The following IDO2 variants were observed in gnomAD, a reference collection of about 807,000 sequenced individuals.
The protein encoded by IDO2 is indoleamine 2,3-dioxygenase-like 1 protein.
IDO2 carries 46 observed loss-of-function variants against 45.1 expected under a neutral mutation model. The observed-to-expected ratio is 1.02, with a 90% CI of 0.80 to 1.30. IDO2 has a LOEUF of 1.30. IDO2 is among the 50% of genes most tolerant of loss of function. The pLI is 0.00. For missense variants in IDO2, 544 were observed against 491.8 expected (o/e 1.11, Z -1.00); for synonymous variants, 218 against 184.9 (o/e 1.18, Z -1.45).
At chr8:39,962,839 G>A (rs1011113665) in intron 2 of IDO2, among the ~76,000 whole-genome samples, 1 of 151,998 alleles carries the variant, frequency 6.6e-6, no homozygotes, top group Non-Finnish European at 1.5e-5. Flanking sequence ...CATTTGATTG[G>A]TTAAAAGGCA....
Position 39,979,007 on chromosome 8 carries a change from T to A in IDO2, c.196-60T>A, listed in dbSNP as rs190524933. On this transcript the variant is annotated intron_variant, in intron 3 of 10. Transcript: ENST00000502986. ...TCACATCCCAGGTCCCCGGCCCCCG[T>A]TACCTCCCCTGTCCCGGTTCCCATC... 3.8e-4 allele frequency: 590 copies of A among 1,533,248 alleles called. 2 individuals are homozygous for A. In the African/African-American group the frequency reaches 6.7e-3, roughly 17 times the overall value. 95.0% of individuals were successfully genotyped at this position (1,533,248 alleles called of 1,614,324 possible).
intron 3 of IDO2, among the ~76,000 whole-genome samples, chr8:39,964,124 T>C (rs938356074): frequency 1.3e-5 from 2 of 152,210 alleles, no homozygotes; most frequent in African/African-American, 4.8e-5. Context: ...AATAGTTAAA[T>C]GGAGGGAATT....
intron 5 of IDO2, among the ~76,000 whole-genome samples, chr8:39,983,582 G>A (rs948200600): frequency 4.6e-5 from 7 of 151,954 alleles, no homozygotes; most frequent in South Asian, 2.1e-4. Context: ...TATGTGCCCC[G>A]GCCGGGCCCG....
chr8:39,973,452 CT>C (rs1808210077), intron 3 of IDO2, among the ~76,000 whole-genome samples: 2 of 152,034 alleles, frequency 1.3e-5, no homozygotes, highest in South Asian at 4.1e-4. Context: ...TGATAATTTC[CT>C]TTCCTTAGGA....
chr8:39,973,685 AC>A (rs1808214298), intron 3 of IDO2, among the ~76,000 whole-genome samples: 1 of 151,934 alleles, frequency 6.6e-6, no homozygotes, highest in Admixed American at 6.6e-5. Flanking sequence ...AAAACTGGGG[AC>A]ATAGTGGAGT....
At position 39,971,597 on chromosome 8, in the gene IDO2, T is replaced by C. The variant is rs79611255; in HGVS notation, c.196-7470T>C. Among the ~76,000 whole-genome samples, 1,083 of 152,288 alleles carry C rather than the reference T, an allele frequency of 7.1e-3. 17 individuals are homozygous for C. The highest frequency in any genetic ancestry group is 0.025 in the African/African-American group (1,023 of 41,560). On this transcript the variant is annotated intron_variant, in intron 3 of 10. Transcript: ENST00000502986. ...CCTGGAAAGGATTCACTATTCTAGA[T>C]ACTATTAAAAGCATTCATGATTCAT...
intron 8 of IDO2, among the ~76,000 whole-genome samples, chr8:40,004,313 G>A (rs1802182431): frequency 6.6e-6 from 1 of 152,138 alleles, no homozygotes; most frequent in Non-Finnish European, 1.5e-5. Context: ...GAAGAAATAG[G>A]ATCAAAGACT....
rs1802369412 is a variant in IDO2, at chr8:40,015,227, T to C, written c.869-20T>C. ...ATTTCCATGTGGAGCTATGACGTTATGCTGTATTGTTTCTTTCAGGTGACT... is the reference window on the plus strand; with the variant it reads ...ATTTCCATGTGGAGCTATGACGTTACGCTGTATTGTTTCTTTCAGGTGACT... On this transcript the variant is annotated intron_variant, in intron 10 of 10. Coordinates refer to ENST00000502986, the Ensembl canonical transcript of IDO2. The C allele has an allele frequency of 1.5e-6, 2 of 1,350,116 alleles. No individual in the cohort carries two copies. The highest frequency in any genetic ancestry group is 1.2e-5 in the South Asian group (1 of 80,532). 83.6% of individuals were successfully genotyped at this position (1,350,116 alleles called of 1,614,324 possible). A position where few individuals can be genotyped will look rare whatever the true frequency, so the allele number is the denominator to read the frequency against.
chr8:39,992,450 G>A (rs1267358830), intron 8 of IDO2, among the ~76,000 whole-genome samples: 1 of 152,126 alleles, frequency 6.6e-6, no homozygotes, highest in African/African-American at 2.4e-5. Context: ...CCCAACTGAG[G>A]CACCAGCCAC....
At chr8:39,988,208 C>A (rs149208325) in intron 7 of IDO2, among the ~76,000 whole-genome samples, 1 of 152,120 alleles carries the variant, frequency 6.6e-6, no homozygotes, top group African/African-American at 2.4e-5. Flanking sequence ...TTGGTTTGGG[C>A]AATGGGAAAT....
chr8:39,951,710 T>C (rs967525888), intron 2 of IDO2, among the ~76,000 whole-genome samples: 3 of 152,194 alleles, frequency 2.0e-5, no homozygotes, highest in African/African-American at 7.2e-5. Context: ...TCTATACATC[T>C]AACCCAATTC....
intron 1 of IDO2, among the ~76,000 whole-genome samples, chr8:39,944,536 G>A (rs1302633337): frequency 1.3e-5 from 2 of 152,124 alleles, no homozygotes; most frequent in African/African-American, 4.8e-5. Flanking sequence ...TGTGCAAGCT[G>A]ACTCCCAGCA....
chr8:39,975,964 C>G (rs928198488), intron 3 of IDO2, among the ~76,000 whole-genome samples: 2 of 152,028 alleles, frequency 1.3e-5, no homozygotes, highest in African/African-American at 4.8e-5. Flanking sequence ...ATGTTAAGTT[C>G]AAAAGCATTC....
intron 2 of IDO2, 81 bp from the exon 3 acceptor site, chr8:39,963,527 C>T (rs956679756): frequency 5.2e-6 from 4 of 774,320 alleles, no homozygotes; most frequent in Non-Finnish European, 8.5e-6. Flanking sequence ...CCCCTGAAGA[C>T]TGAAATGTGA....
chr8:39,973,185 C>T (rs1027648475), intron 3 of IDO2, among the ~76,000 whole-genome samples: 1 of 152,040 alleles, frequency 6.6e-6, no homozygotes, highest in African/African-American at 2.4e-5. Context: ...TTAATAAGTG[C>T]CACTGGATTA....
rs559751211 is a variant in IDO2 at position 39,938,861 on chromosome 8, T to C, written c.-18+3643T>C. ...TCTACATCATATGCCATTAGGAAAT[T>C]GCAAATTAAAACAATGAGATACCAC... On this transcript the variant is annotated intron_variant, in intron 1 of 10. Transcript: ENST00000502986. Among the ~76,000 whole-genome samples the C allele has an allele frequency of 2.6e-4, 39 of 152,242 alleles. No homozygotes were observed. In the East Asian group the frequency reaches 7.1e-3, roughly 28 times the overall value.
At chr8:39,940,781 C>G (rs564230960) in intron 1 of IDO2, among the ~76,000 whole-genome samples, 1 of 152,202 alleles carries the variant, frequency 6.6e-6, no homozygotes, top group African/African-American at 2.4e-5. Flanking sequence ...CTACTCTCTG[C>G]TTCCCAAAAC....
At chr8:40,011,685 G>T (rs1802312754) in intron 9 of IDO2, among the ~76,000 whole-genome samples, 1 of 152,178 alleles carries the variant, frequency 6.6e-6, no homozygotes, top group South Asian at 2.1e-4. Flanking sequence ...TGCTTAACAT[G>T]TTCCAGGCCC....
At chr8:39,949,725 C>A (rs560912573) in intron 2 of IDO2, among the ~76,000 whole-genome samples, 2 of 152,268 alleles carry the variant, frequency 1.3e-5, no homozygotes, top group East Asian at 1.9e-4. Flanking sequence ...CAGATCCCCC[C>A]AGGAGCGCTT....
Sources: gnomAD v4.1 joint callset for allele counts (sites outside exome capture counted in the v4.1 genomes callset) on GRCh38, gnomAD v4.1.1 for gene constraint, MANE v1.5 for transcripts, NCBI Gene and HGNC (gene_info 2026-07-23, HGNC 2026-07-21) for gene names.